The following KIF26B variants were observed in gnomAD, a reference collection of about 807,000 sequenced individuals.
The protein encoded by KIF26B is kinesin-like protein KIF26B.
Under a neutral mutation model 151.2 loss-of-function variants are expected in KIF26B, and 63 were observed. The observed-to-expected ratio is 0.42, with a 90% CI of 0.34 to 0.51. The LOEUF (loss-of-function observed/expected upper bound fraction) is 0.51, where lower values mean the gene tolerates loss of function less well. KIF26B is among the 20% of genes least tolerant of loss of function. The pLI is 0.07. For synonymous variants in KIF26B, 1,357 were observed against 1,262.1 expected (o/e 1.08, Z -1.59); for missense variants, 2,813 against 2,913.6 (o/e 0.97, Z 0.79).
intron 2 of KIF26B, among the ~76,000 whole-genome samples, chr1:245,333,700 C>G (rs1254044229): frequency 1.3e-5 from 2 of 152,182 alleles, no homozygotes; most frequent in Admixed American, 6.6e-5. Flanking sequence ...AGAGCCTTAA[C>G]TTAAATATCT....
chr1:245,221,968 T>C (rs1669783511), intron 2 of KIF26B, among the ~76,000 whole-genome samples: 1 of 152,208 alleles, frequency 6.6e-6, no homozygotes, highest in African/African-American at 2.4e-5. Flanking sequence ...CTGCATGACA[T>C]GCATGACAGA....
At chr1:245,501,819 C>G (rs1249428199) in intron 4 of KIF26B, among the ~76,000 whole-genome samples, 1 of 152,224 alleles carries the variant, frequency 6.6e-6, no homozygotes, top group Non-Finnish European at 1.5e-5. Context: ...AAATTTGGCT[C>G]TGCTGCACTT....
intron 9 of KIF26B, among the ~76,000 whole-genome samples, chr1:245,632,756 A>C (rs563708911): frequency 2.0e-5 from 3 of 152,142 alleles, no homozygotes; most frequent in African/African-American, 7.2e-5. Flanking sequence ...AAAAATACAA[A>C]AACTAGCTGG....
intron 5 of KIF26B, among the ~76,000 whole-genome samples, chr1:245,545,791 T>C (rs546491436): frequency 1.2e-4 from 10 of 81,188 alleles, no homozygotes; most frequent in African/African-American, 3.1e-4. Flanking sequence ...AACGGTTGCT[T>C]CTCCTAAGTC....
chr1:245,358,945 C>G lies in KIF26B; in HGVS notation c.466-7889C>G, dbSNP rs1672756055. On this transcript the variant is annotated intron_variant, in intron 2 of 14. Transcript: ENST00000407071. The surrounding 1 kb of genome is among the most constrained non-coding windows in gnomAD (Gnocchi z 4.1). The stretch of plus-strand genomic sequence containing the variant: ...TCTATTTGTGAAGGGATCCTATTTC[C>G]CAACAGCCAAGGGATATACTGGAGA... Among the ~76,000 whole-genome samples the G allele has an allele frequency of 1.3e-5, 2 of 152,094 alleles. No individual in the cohort carries two copies. Among genetic ancestry groups the G allele is most frequent in the Admixed American group, 1.3e-4 (2 of 15,268 alleles).
intron 5 of KIF26B, among the ~76,000 whole-genome samples, chr1:245,565,953 C>G (rs2043005248): frequency 6.6e-6 from 1 of 152,148 alleles, no homozygotes; most frequent in Admixed American, 6.5e-5. Flanking sequence ...TGTCACATGG[C>G]AAGAGTGGGA....
At chr1:245,662,977 TTC>T (rs1299079887) in intron 10 of KIF26B, among the ~76,000 whole-genome samples, 2 of 151,542 alleles carry the variant, frequency 1.3e-5, no homozygotes, top group East Asian at 1.9e-4. Flanking sequence ...TTTTTTTTTT[TTC>T]TCTCTTATTC....
rs1036522660 is a variant in KIF26B at position 245,602,522 on chromosome 1, A to G, written c.1351-55A>G. On this transcript the variant is annotated intron_variant, in intron 5 of 14. Transcript: ENST00000407071. The surrounding 1 kb of genome is among the most constrained non-coding windows in gnomAD (Gnocchi z 4.5). The stretch of plus-strand genomic sequence containing the variant: ...ATCGCAGAGTATACAAGGGTGCTCC[A>G]TCGTAAAACACCCAGCTGTCTTCAT... 4.9e-6 allele frequency: 7 copies of G among 1,438,226 alleles called. No homozygotes were observed. The highest frequency in any genetic ancestry group is 3.9e-5 in the Admixed American group (2 of 51,252). The allele number at this position is 1,438,226 out of a possible 1,614,324, so 89.1% of individuals were successfully genotyped here. A position where few individuals can be genotyped will look rare whatever the true frequency, so the allele number is the denominator to read the frequency against.
intron 4 of KIF26B, among the ~76,000 whole-genome samples, chr1:245,469,435 A>T (rs1298303422): frequency 6.6e-6 from 1 of 152,172 alleles, no homozygotes; most frequent in Admixed American, 6.5e-5. Flanking sequence ...ATAAAAAAAG[A>T]TGGGGGTTAT....
In KIF26B at chr1:245,425,867, A is replaced by C. The variant is rs189528867; in HGVS notation, c.1166+6122A>C. Among the ~76,000 whole-genome samples the C allele has an allele frequency of 3.9e-5, 6 of 152,354 alleles. No homozygotes were observed. In the East Asian group the frequency reaches 9.6e-4, roughly 24 times the overall value. ...CGCCAGTTCCATGGCGTTGGTGAGC[A>C]CAGAGACTTCCAGTTCTGCCCTCAG... On this transcript the variant is annotated intron_variant, in intron 4 of 14. Transcript: ENST00000407071.
chr1:245,472,427 A>AT (rs1659936745), intron 4 of KIF26B, among the ~76,000 whole-genome samples: 1 of 152,086 alleles, frequency 6.6e-6, no homozygotes, highest in African/African-American at 2.4e-5. Context: ...GGTGTCTTGG[A>AT]TTTTGAATTT....
rs1195172260 is a variant in KIF26B at position 245,156,610 on chromosome 1, A to C, written c.392A>C (p.Asn131Thr). 6.6e-7 allele frequency: 1 copy of C among 1,525,568 alleles called. No individual in the cohort carries two copies. The highest frequency in any genetic ancestry group is 2.0e-5 in the Admixed American group (1 of 50,634). 94.5% of individuals were successfully genotyped at this position (1,525,568 alleles called of 1,614,324 possible). A position where few individuals can be genotyped will look rare whatever the true frequency, so the allele number is the denominator to read the frequency against. The change falls in exon 2 of 15, where the codon AAC (asparagine) becomes ACC (threonine). Residue 131 changes from asparagine to threonine, a missense_variant. Asn to Thr is a moderately conservative substitution (Grantham distance 65). Transcript: ENST00000407071. ...PGSDRGVWCE[N>T]CNARLVELKR... ...TCGGACCGCGGCGTCTGGTGCGAGA[A>C]CTGCAACGCCCGCCTGGTGGAGCTC...
rs576683726 is a variant in KIF26B at position 245,553,618 on chromosome 1, T to C, written c.1350+12668T>C. 9.7e-4 allele frequency among the ~76,000 whole-genome samples: 147 copies of C among 152,256 alleles called. 1 individual carries two copies. Among genetic ancestry groups the C allele is most frequent in the Non-Finnish European group, 1.7e-3 (117 of 68,014 alleles). On this transcript the variant is annotated intron_variant, in intron 5 of 14. Transcript: ENST00000407071. ...AAGCACACCGATGAAAGTACATTAATACTCAAAATGACTTTGAAAAGACCA... is the reference window on the plus strand; with the variant it reads ...AAGCACACCGATGAAAGTACATTAACACTCAAAATGACTTTGAAAAGACCA...
intron 2 of KIF26B, among the ~76,000 whole-genome samples, chr1:245,259,379 T>A (rs1051727343): frequency 7.9e-5 from 12 of 152,088 alleles, no homozygotes; most frequent in Admixed American, 7.2e-4. Flanking sequence ...GGACTGAGGC[T>A]CCATCGCTGA....
chr1:245,414,748 CTTATT>C (rs199970383), intron 3 of KIF26B, among the ~76,000 whole-genome samples: 3 of 152,326 alleles, frequency 2.0e-5, no homozygotes, highest in South Asian at 4.1e-4. Flanking sequence ...GACACACGCT[CTTATT>C]TTAGAGAAGG....
rs1010612730 is a variant in KIF26B, at chr1:245,563,405, G to A, written c.1350+22455G>A. On this transcript the variant is annotated intron_variant, in intron 5 of 14. Transcript: ENST00000407071. The surrounding 1 kb of genome is among the most constrained non-coding windows in gnomAD (Gnocchi z 4.6). ...GGTTCTATCTTCTCAAGGATCACTGGTCTTTCGCATATACCCTCTTGCTCC... is the reference window on the plus strand; with the variant it reads ...GGTTCTATCTTCTCAAGGATCACTGATCTTTCGCATATACCCTCTTGCTCC... Among the ~76,000 whole-genome samples, 1 of 152,112 alleles carries A rather than the reference G, an allele frequency of 6.6e-6. No individual in the cohort carries two copies.
chr1:245,385,104 A>G (rs1245996026), intron 3 of KIF26B, among the ~76,000 whole-genome samples: 1 of 152,226 alleles, frequency 6.6e-6, no homozygotes, highest in Non-Finnish European at 1.5e-5. Flanking sequence ...ATAGGTGGGC[A>G]ACAGAAATAA....
rs1384647995 is a variant in KIF26B, at chr1:245,707,037, A to C, written c.*4431A>C. On this transcript the variant is annotated 3_prime_UTR_variant, in exon 15 of 15. Transcript: ENST00000407071. ...CAAAATGACACATTTTAAAATTACA[A>C]CCTGTTCATTATTTCCATCATAATG... is the stretch of plus-strand genomic sequence containing the variant. 1 of 152,228 alleles carries C rather than the reference A, an allele frequency of 6.6e-6. No homozygotes were observed. Among genetic ancestry groups the C allele is most frequent in the Admixed American group, 6.5e-5 (1 of 15,280 alleles). The allele number at this position is 152,228 out of a possible 1,614,324, so 9.4% of individuals were successfully genotyped here. A position where few individuals can be genotyped will look rare whatever the true frequency, so the allele number is the denominator to read the frequency against.
rs917373092 is a variant in KIF26B at position 245,686,055 on chromosome 1, C to A, written c.3072C>A (p.Ser1024Arg). 1 of 1,594,986 alleles carries A rather than the reference C, an allele frequency of 6.3e-7. No homozygotes were observed. Among genetic ancestry groups the A allele is most frequent in the South Asian group, 1.1e-5 (1 of 88,936 alleles). Residue 1024 changes from serine to arginine, a missense_variant, in exon 12 of 15, where the codon AGC (serine) becomes AGA (arginine). Physicochemically the swap from Ser to Arg is moderately radical, Grantham distance 110 (BLOSUM62 -1). Transcript: ENST00000407071. This position sits in a 1 kb window ranked among gnomAD's most constrained non-coding sequence, Gnocchi z 5.6. Reference protein sequence around the residue: ...AHSPSPASPRSVPGSSSQHSA... With the variant: ...AHSPSPASPRRVPGSSSQHSA... ...GCCCCAGCCCGGCCTCACCCAGGAG[C>A]GTCCCGGGCAGCAGTAGCCAGCACA...
Sources: allele counts gnomAD v4.1 joint callset (sites outside exome capture counted in the v4.1 genomes callset), GRCh38; gene constraint gnomAD v4.1.1; non-coding constraint Gnocchi (gnomAD v3.1); transcripts MANE v1.5; gene names NCBI Gene and HGNC (gene_info 2026-07-23, HGNC 2026-07-21).